TMEM38B: variants seen among roughly 807,000 people sequenced by gnomAD.
TMEM38B encodes the protein transmembrane protein 38B, also known as trimeric intracellular cation channel type B.
TMEM38B carries 24 observed loss-of-function variants against 28.7 expected under a neutral mutation model. That is an observed-to-expected ratio of 0.84 (90% CI 0.61 to 1.18). The LOEUF (loss-of-function observed/expected upper bound fraction) is 1.18. TMEM38B is among the 50% of genes most tolerant of loss of function. The probability of loss-of-function intolerance (pLI) is 0.00; values close to 1 mark genes in which losing one functional copy is unlikely to be tolerated. For synonymous variants in TMEM38B, 131 were observed against 127.7 expected (o/e 1.03, Z -0.17); for missense variants, 380 against 350.9 (o/e 1.08, Z -0.66).
rs141978983 is a variant in TMEM38B, at chr9:105,721,558, G to A, written c.291G>A (p.Pro97=). The A allele has an allele frequency of 5.8e-5, 93 of 1,591,100 alleles. No individual in the cohort carries two copies. The highest frequency in any genetic ancestry group is 3.4e-4 in the Middle Eastern group (2 of 5,940). Residue 97 remains proline, a synonymous_variant, in exon 3 of 6, where the codon CCG becomes CCA. Transcript: ENST00000374692. ...SSIWYITFFC[P]HDLVSQGYSY... ...TCAGGTATATTACATTTTTTTGCCC[G>A]CATGACCTAGTTTCCCAGGGCTATT...
At chr9:105,767,330 C>T (rs373011517) in intron 5 of TMEM38B, among the ~76,000 whole-genome samples, 1 of 152,142 alleles carries the variant, frequency 6.6e-6, no homozygotes, top group Non-Finnish European at 1.5e-5. Flanking sequence ...CAATACTAAA[C>T]TGTCTTAATT....
chr9:105,736,508 C>T (rs1256386279), intron 4 of TMEM38B, among the ~76,000 whole-genome samples: 3 of 151,906 alleles, frequency 2.0e-5, no homozygotes, highest in Admixed American at 6.6e-5. Context: ...AATCGTTTTC[C>T]TGGTTTTGTT....
chr9:105,742,255 G>A (rs10816312), intron 4 of TMEM38B, among the ~76,000 whole-genome samples: 32,198 of 152,132 alleles, frequency 0.21, 5,310 homozygotes, highest in East Asian at 0.46. Flanking sequence ...AGGCCTAGAG[G>A]CCTGTGGCCA....
At chr9:105,719,177 T>C (rs546268225) in intron 2 of TMEM38B, among the ~76,000 whole-genome samples, 1 of 152,312 alleles carries the variant, frequency 6.6e-6, no homozygotes, top group Non-Finnish European at 1.5e-5. Flanking sequence ...TGGTTGAGAT[T>C]TCATTTGTTT....
intron 5 of TMEM38B, among the ~76,000 whole-genome samples, chr9:105,768,542 A>T (rs1422002282): frequency 1.3e-5 from 2 of 152,054 alleles, no homozygotes; most frequent in Non-Finnish European, 2.9e-5. Flanking sequence ...TGGGCCTAGA[A>T]TTTTCTTTAA....
chr9:105,748,248 T>A (rs1437106755), intron 5 of TMEM38B, 58 bp downstream of exon 5: 2 of 1,279,142 alleles, frequency 1.6e-6, no homozygotes, highest in Non-Finnish European at 2.2e-6. Context: ...TCCCCTTTGA[T>A]ACAATTTTGC....
In TMEM38B at chr9:105,694,773, G is replaced by T; in HGVS notation, c.112+1G>T. 1 of 1,611,218 alleles carries T rather than the reference G, an allele frequency of 6.2e-7. No homozygotes were observed. The highest frequency in any genetic ancestry group is 8.5e-7 in the Non-Finnish European group (1 of 1,178,736). On this transcript the variant is annotated splice_donor_variant, in intron 1 of 5. Transcript: ENST00000374692. LOFTEE classifies it high-confidence loss of function. The stretch of plus-strand genomic sequence containing the variant: ...GTGATGGCGGTGAAACGTCAGCCGG[G>T]TGAGTGCGGGGCGCCGCGGGCCGGA...
rs573314234 is a variant in TMEM38B at position 105,740,254 on chromosome 9, C to T, written c.543-7819C>T. On this transcript the variant is annotated intron_variant, in intron 4 of 5. Transcript: ENST00000374692. The stretch of plus-strand genomic sequence containing the variant: ...TCCACTTCCTTCATTAAATTTATTC[C>T]TAGGTGTTTTTTTTTTTTTTTTTTG... Among the ~76,000 whole-genome samples, 144 of 130,210 alleles carry T rather than the reference C, an allele frequency of 1.1e-3. 1 individual carries two copies. The highest frequency in any genetic ancestry group is 3.5e-3 in the African/African-American group (124 of 35,518). The allele number at this position is 130,210 out of a possible 152,430, so 85.4% of individuals were successfully genotyped here. A position where few individuals can be genotyped will look rare whatever the true frequency, so the allele number is the denominator to read the frequency against.
rs1367813699 is a variant in TMEM38B, at chr9:105,764,993, A to G, written c.661-8872A>G. Among the ~76,000 whole-genome samples the G allele has an allele frequency of 5.3e-5, 8 of 152,314 alleles. No homozygotes were observed. The South Asian group carries it at 1.7e-3, about 32-fold the overall frequency. On this transcript the variant is annotated intron_variant, in intron 5 of 5. Transcript: ENST00000374692. The stretch of plus-strand genomic sequence containing the variant: ...ACAAGCAATGGGGGAAGGATTCCCT[A>G]TTTAATAAATGGTTCTGGGACAACT...
chr9:105,744,733 C>A lies in TMEM38B; in HGVS notation c.543-3340C>A, dbSNP rs1185871850. On this transcript the variant is annotated intron_variant, in intron 4 of 5. Coordinates refer to ENST00000374692, the MANE Select transcript of TMEM38B (RefSeq NM_018112.3). Reference sequence around the variant, plus strand: ...GTATATCTCCTAATGCTATCCCTCCCCATTTCCCCCACCCCATGACAGGCC... The same window carrying A: ...GTATATCTCCTAATGCTATCCCTCCACATTTCCCCCACCCCATGACAGGCC... Among the ~76,000 whole-genome samples the A allele has an allele frequency of 2.0e-5, 3 of 152,194 alleles. No homozygotes were observed. In the East Asian group the frequency reaches 5.8e-4, roughly 29 times the overall value.
At chr9:105,717,316 A>G (rs989450013) in intron 2 of TMEM38B, among the ~76,000 whole-genome samples, 3 of 152,230 alleles carry the variant, frequency 2.0e-5, no homozygotes, top group Non-Finnish European at 2.9e-5. Flanking sequence ...TATTAATATA[A>G]TGGCATTATC....
At chr9:105,733,423 T>TTA (rs1554778349) in intron 4 of TMEM38B, among the ~76,000 whole-genome samples, 8 of 146,604 alleles carry the variant, frequency 5.5e-5, no homozygotes, top group African/African-American at 2.0e-4. Context: ...TCTTTTTTCT[T>TTA]TTTTTTTTTT....
At chr9:105,756,759 TATA>T (rs1191267041) in intron 5 of TMEM38B, among the ~76,000 whole-genome samples, 17 of 152,300 alleles carry the variant, frequency 1.1e-4, no homozygotes, top group Admixed American at 3.3e-4. Context: ...GAACATCTCT[TATA>T]ATATTTCTCA....
At chr9:105,752,441 C>G (rs1837688169) in intron 5 of TMEM38B, among the ~76,000 whole-genome samples, 1 of 152,176 alleles carries the variant, frequency 6.6e-6, no homozygotes, top group Non-Finnish European at 1.5e-5. Context: ...AGGTCAGAAC[C>G]CACCTGGGGC....
intron 5 of TMEM38B, among the ~76,000 whole-genome samples, 167 bp downstream of exon 5, chr9:105,748,357 G>C (rs1209549135): frequency 6.6e-6 from 1 of 152,100 alleles, no homozygotes; most frequent in East Asian, 1.9e-4. Context: ...CTGAAACTTA[G>C]CTTTTCTGTG....
At chr9:105,727,995 G>A (rs1271482541) in intron 4 of TMEM38B, among the ~76,000 whole-genome samples, 1 of 152,064 alleles carries the variant, frequency 6.6e-6, no homozygotes, top group Non-Finnish European at 1.5e-5. Flanking sequence ...ACTAGAAGCT[G>A]GGCAGATTTT....
At position 105,723,891 on chromosome 9, in the gene TMEM38B, A is replaced by G. The variant is rs577548224; in HGVS notation, c.542+1270A>G. Reference sequence around the variant, plus strand: ...CTGTTGTCACCCAGACCAGAGTGCAATGGTGTGGTCTCGGGCTCACTGCAA... The same window carrying G: ...CTGTTGTCACCCAGACCAGAGTGCAGTGGTGTGGTCTCGGGCTCACTGCAA... On this transcript the variant is annotated intron_variant, in intron 4 of 5. Transcript: ENST00000374692. Among the ~76,000 whole-genome samples, 57 of 149,564 alleles carry G rather than the reference A, an allele frequency of 3.8e-4. 1 individual carries two copies. The South Asian group carries it at 0.011, about 28-fold the overall frequency.
At chr9:105,713,417 G>A (rs1378975540) in intron 2 of TMEM38B, among the ~76,000 whole-genome samples, 2 of 152,210 alleles carry the variant, frequency 1.3e-5, no homozygotes, top group African/African-American at 4.8e-5. Context: ...AGCAAGGTTG[G>A]GGCTGGGTTG....
At chr9:105,704,512 T>C (rs1023006220) in intron 1 of TMEM38B, among the ~76,000 whole-genome samples, 5 of 152,220 alleles carry the variant, frequency 3.3e-5, no homozygotes, top group Non-Finnish European at 7.3e-5. Flanking sequence ...GACTTTGACA[T>C]TTAAAAAATA....
Sources: gnomAD v4.1 joint callset for allele counts (sites outside exome capture counted in the v4.1 genomes callset) on GRCh38, gnomAD v4.1.1 for gene constraint, MANE v1.5 for transcripts, NCBI Gene and HGNC (gene_info 2026-07-23, HGNC 2026-07-21) for gene names.